The following DISP1 variants were observed in gnomAD, a reference collection of about 807,000 sequenced individuals.
DISP1 encodes protein dispatched homolog 1.
A neutral mutation model predicts 37.3 loss-of-function variants in DISP1; 30 were observed. The ratio of observed to expected loss-of-function variants is 0.80; its 90% CI spans 0.60 to 1.09. DISP1 has a LOEUF of 1.09. Among genes scored for constraint, DISP1 ranks in the 50% least tolerant of loss-of-function variants. The pLI is 0.00. For missense variants in DISP1, 1,598 were observed against 1,879.5 expected (o/e 0.85, Z 2.77); for synonymous variants, 634 against 690.2 (o/e 0.92, Z 1.28).
At chr1:222,832,358 A>C (rs1424272113) in intron 1 of DISP1, among the ~76,000 whole-genome samples, 1 of 152,166 alleles carries the variant, frequency 6.6e-6, no homozygotes, top group African/African-American at 2.4e-5. Context: ...GTGATGATAA[A>C]TTTGTTAAAT....
chr1:223,005,804 G>T lies in DISP1; in HGVS notation c.4407G>T (p.Gly1469=). The T allele has an allele frequency of 6.2e-7, 1 of 1,614,194 alleles. No individual in the cohort carries two copies. Among genetic ancestry groups the T allele is most frequent in the Non-Finnish European group, 8.5e-7 (1 of 1,180,042 alleles). Residue 1469 remains glycine (G), a synonymous_variant, in exon 9 of 9, where the codon GGG becomes GGT. Coordinates refer to ENST00000675850, the MANE Select transcript of DISP1 (RefSeq NM_001377229.1). ...AAGTCCTATTTAATCATTTAATGGG[G>T]GAGGCTGGTTGTAGGTCTTGCCCAA... is the stretch of plus-strand genomic sequence containing the variant. ...EPKVLFNHLM[G]EAGCRSCPNN... is the part of the protein sequence containing the mutation.
Position 222,880,211 on chromosome 1 carries a change from G to A in DISP1, c.-158-48219G>A, listed in dbSNP as rs534941199. Among the ~76,000 whole-genome samples the A allele has an allele frequency of 7.9e-5, 12 of 152,262 alleles. No individual in the cohort carries two copies. In the South Asian group the frequency reaches 2.5e-3, roughly 32 times the overall value. On this transcript the variant is annotated intron_variant, in intron 1 of 8. Coordinates refer to ENST00000675850, the MANE Select transcript of DISP1 (RefSeq NM_001377229.1). Reference sequence around the variant, plus strand: ...TTGTTATGATATTAGTGGAGAAAAAGCAGGATGTACAATCTCAGTTATATT... The same window carrying A: ...TTGTTATGATATTAGTGGAGAAAAAACAGGATGTACAATCTCAGTTATATT...
At position 222,943,298 on chromosome 1, in the gene DISP1, C is replaced by T. The variant is rs1282585216; in HGVS notation, c.475C>T (p.His159Tyr). 1.9e-6 allele frequency: 3 copies of T among 1,614,234 alleles called. No individual in the cohort carries two copies. The highest frequency in any genetic ancestry group is 1.7e-5 in the Admixed American group (1 of 60,032). Residue 159 changes from histidine to tyrosine, a missense_variant, in exon 3 of 9, where the codon CAT becomes TAT. Physicochemically the swap from His to Tyr is moderately conservative, Grantham distance 83. Coordinates refer to ENST00000675850, the MANE Select transcript of DISP1 (RefSeq NM_001377229.1). ...TCATCCGTGGCCTGACCATTTTCAG[C>T]ATCAGCCTGTGCAACAGCACATAGC... ...LHHPWPDHFQ[H>Y]QPVQQHIANI...
At position 222,893,456 on chromosome 1, in the gene DISP1, C is replaced by A. The variant is rs1047488055; in HGVS notation, c.-158-34974C>A. 6.6e-6 allele frequency among the ~76,000 whole-genome samples: 1 copy of A among 152,248 alleles called. No homozygotes were observed. The highest frequency in any genetic ancestry group is 1.5e-5 in the Non-Finnish European group (1 of 68,050). On this transcript the variant is annotated intron_variant, in intron 1 of 8. Transcript: ENST00000675850. This position sits in a 1 kb window ranked among gnomAD's most constrained non-coding sequence, Gnocchi z 4.3. Reference sequence around the variant, plus strand: ...TCATGCTACCGGCCCGGATCCCACACCTGCCAAAGGCAAGCCAGGCATGGA... The same window carrying A: ...TCATGCTACCGGCCCGGATCCCACAACTGCCAAAGGCAAGCCAGGCATGGA...
At chr1:222,826,993 G>T (rs534973655) in intron 1 of DISP1, among the ~76,000 whole-genome samples, 440 of 152,126 alleles carry the variant, frequency 2.9e-3, no homozygotes, top group Non-Finnish European at 3.1e-3. Context: ...ATATTGCAAG[G>T]TTTTCCATTT....
At position 223,002,551 on chromosome 1, in the gene DISP1, G is replaced by A. The variant is rs146869710; in HGVS notation, c.1154G>A (p.Cys385Tyr). The change falls in exon 9 of 9, where the codon TGT becomes TAT. Residue 385 changes from cysteine to tyrosine, a missense_variant. Transcript: ENST00000675850. ...VSHTLKLLRT[C>Y]AKHYQNGTLG... Reference sequence around the variant, plus strand: ...CATACCTTGAAGCTGCTTCGGACTTGTGCCAAACACTACCAAAATGGCACT... The same window carrying A: ...CATACCTTGAAGCTGCTTCGGACTTATGCCAAACACTACCAAAATGGCACT... 6.2e-7 allele frequency: 1 copy of A among 1,614,198 alleles called. No individual in the cohort carries two copies. Among genetic ancestry groups the A allele is most frequent in the African/African-American group, 1.3e-5 (1 of 75,044 alleles).
rs1679613112 is a variant in DISP1, at chr1:223,003,242, T to A, written c.1845T>A (p.Thr615=). 1 of 1,614,254 alleles carries A rather than the reference T, an allele frequency of 6.2e-7. No individual in the cohort carries two copies. Among genetic ancestry groups the A allele is most frequent in the African/African-American group, 1.3e-5 (1 of 75,072 alleles). The change falls in exon 9 of 9, where the codon ACT becomes ACA. Residue 615 remains threonine, a synonymous_variant. Coordinates refer to ENST00000675850, the MANE Select transcript of DISP1 (RefSeq NM_001377229.1). The surrounding 1 kb of genome is among the most constrained non-coding windows in gnomAD (Gnocchi z 4.3). ...ALSMFVTSFT[T]AAAFYANYVS... is the part of the protein sequence containing the mutation. ...CCATGTTCGTCACCAGTTTTACCAC[T>A]GCTGCTGCCTTTTATGCTAACTATG...
chr1:222,997,749 A>G (rs900306328), intron 8 of DISP1, among the ~76,000 whole-genome samples: 2 of 152,336 alleles, frequency 1.3e-5, no homozygotes, highest in Non-Finnish European at 1.5e-5. Flanking sequence ...ACATGTTTTT[A>G]GTACATATTT....
chr1:222,913,705 G>C (rs144513012), intron 1 of DISP1, among the ~76,000 whole-genome samples: 116 of 151,210 alleles, frequency 7.7e-4, no homozygotes, highest in African/African-American at 2.7e-3. Context: ...CTAGGAGTTT[G>C]AGATAAGCCT....
intron 1 of DISP1, among the ~76,000 whole-genome samples, chr1:222,828,512 A>C (rs1004379218): frequency 6.6e-6 from 1 of 152,140 alleles, no homozygotes; most frequent in Non-Finnish European, 1.5e-5. Flanking sequence ...ACCCATATGC[A>C]TTTAACCTTT....
At chr1:222,971,130 CTTA>C (rs2102642012) in intron 3 of DISP1, among the ~76,000 whole-genome samples, 1 of 151,914 alleles carries the variant, frequency 6.6e-6, no homozygotes, top group East Asian at 1.9e-4. Flanking sequence ...TGCTTTGATC[CTTA>C]TTAAAGCTTT....
chr1:222,875,684 A>T (rs1170307454), intron 1 of DISP1, among the ~76,000 whole-genome samples: 1 of 139,110 alleles, frequency 7.2e-6, no homozygotes, highest in Non-Finnish European at 1.6e-5. Context: ...AAAATTAGCC[A>T]TATGTGGTGG....
intron 3 of DISP1, among the ~76,000 whole-genome samples, chr1:222,958,961 T>A (rs1045551347): frequency 9.9e-5 from 15 of 151,022 alleles, no homozygotes; most frequent in East Asian, 3.9e-4. Flanking sequence ...GTTTTTTTTT[T>A]ATCAACATTG....
intron 3 of DISP1, among the ~76,000 whole-genome samples, chr1:222,982,273 G>A (rs1449048546): frequency 5.3e-5 from 8 of 152,234 alleles, no homozygotes; most frequent in African/African-American, 1.4e-4. Context: ...CACATCTGTA[G>A]TTGGAAAAGG....
chr1:222,972,339 T>G (rs1677018160), intron 3 of DISP1, among the ~76,000 whole-genome samples: 1 of 152,138 alleles, frequency 6.6e-6, no homozygotes, highest in African/African-American at 2.4e-5. Flanking sequence ...TCTAGGTCAC[T>G]GCAGTAGCTC....
chr1:222,957,436 A>G (rs758957308), intron 3 of DISP1, among the ~76,000 whole-genome samples: 6 of 152,090 alleles, frequency 3.9e-5, no homozygotes, highest in Non-Finnish European at 7.3e-5. Flanking sequence ...TAAAAATACA[A>G]AAATTAGCCA....
Position 223,004,074 on chromosome 1 carries a change from G to A in DISP1, c.2677G>A (p.Ala893Thr), listed in dbSNP as rs1481193986. ...GATTTTTGAACTGTGCATCAAGAGA[G>A]CTATCATGGAGCTGGAAAGGAGTAC... ...QEIFELCIKR[A>T]IMELERSTGY... The change falls in exon 9 of 9, where the codon GCT (alanine) becomes ACT (threonine). Residue 893 changes from alanine to threonine, a missense_variant. Physicochemically the swap from Ala to Thr is moderately conservative, Grantham distance 58 (BLOSUM62 0). Coordinates refer to ENST00000675850, the MANE Select transcript of DISP1 (RefSeq NM_001377229.1). This position sits in a 1 kb window ranked among gnomAD's most constrained non-coding sequence, Gnocchi z 4.9. 3.7e-6 allele frequency: 6 copies of A among 1,614,044 alleles called. No homozygotes were observed. Among genetic ancestry groups the A allele is most frequent in the Non-Finnish European group, 5.1e-6 (6 of 1,180,030 alleles).
At chr1:222,824,478 A>T (rs1558278118) in intron 1 of DISP1, among the ~76,000 whole-genome samples, 3 of 152,176 alleles carry the variant, frequency 2.0e-5, no homozygotes, top group Non-Finnish European at 4.4e-5. Flanking sequence ...ACCTTAAATG[A>T]TTTGGTGCTG....
intron 1 of DISP1, among the ~76,000 whole-genome samples, chr1:222,911,699 G>A (rs1672218901): frequency 6.6e-6 from 1 of 151,792 alleles, no homozygotes; most frequent in African/African-American, 2.4e-5. Context: ...TTTTGTTTGT[G>A]TGTGTATTTT....
Sources: allele counts gnomAD v4.1 joint callset (sites outside exome capture counted in the v4.1 genomes callset), GRCh38; gene constraint gnomAD v4.1.1; non-coding constraint Gnocchi (gnomAD v3.1); transcripts MANE v1.5; gene names NCBI Gene and HGNC (gene_info 2026-07-23, HGNC 2026-07-21).